XYLT1: variants seen among roughly 807,000 people sequenced by gnomAD.
XYLT1 encodes xylosyltransferase 1, also known as beta-D-xylosyltransferase 1.
A neutral mutation model predicts 91.3 loss-of-function variants in XYLT1; 36 were observed. The ratio of observed to expected loss-of-function variants is 0.39; its 90% CI spans 0.30 to 0.52. The LOEUF (loss-of-function observed/expected upper bound fraction) is 0.52, where lower values mean the gene tolerates loss of function less well. XYLT1 is among the 20% of genes least tolerant of loss of function. XYLT1 has a pLI of 0.68. For synonymous variants in XYLT1, 588 were observed against 532.0 expected (o/e 1.11, Z -1.45); for missense variants, 1,242 against 1,284.5 (o/e 0.97, Z 0.51).
chr16:17,197,851 T>C (rs1395663274), intron 5 of XYLT1, among the ~76,000 whole-genome samples: 2 of 152,184 alleles, frequency 1.3e-5, no homozygotes, highest in Non-Finnish European at 2.9e-5. Context: ...AGACCTCGCC[T>C]TGTGATTGTG....
At chr16:17,262,801 T>C (rs1202734091) in intron 2 of XYLT1, among the ~76,000 whole-genome samples, 1 of 152,146 alleles carries the variant, frequency 6.6e-6, no homozygotes, top group Non-Finnish European at 1.5e-5. Context: ...AATTGACCCC[T>C]GCTGCTTTGA....
At chr16:17,368,246 G>C (rs2035480487) in intron 1 of XYLT1, among the ~76,000 whole-genome samples, 1 of 152,160 alleles carries the variant, frequency 6.6e-6, no homozygotes, top group Non-Finnish European at 1.5e-5. Context: ...GAGACGATGA[G>C]AACACCTGGC....
rs538519678 is a variant in XYLT1, at chr16:17,153,026, A to C, written c.1370+5803T>G. 1.7e-4 allele frequency among the ~76,000 whole-genome samples: 26 copies of C among 152,152 alleles called. No homozygotes were observed. The South Asian group carries it at 5.2e-3, about 30-fold the overall frequency. On this transcript the variant is annotated intron_variant, in intron 6 of 11. Coordinates refer to ENST00000261381, the MANE Select transcript of XYLT1 (RefSeq NM_022166.4). ...CCAGTGGACATGAGAGTTATTGAAC[A>C]TAAGAGTTATTGAACATTTTTGTAA... is the stretch of plus-strand genomic sequence containing the variant.
chr16:17,400,945 G>GCT (rs908084931), intron 1 of XYLT1, among the ~76,000 whole-genome samples: 2 of 150,930 alleles, frequency 1.3e-5, no homozygotes, highest in Non-Finnish European at 2.9e-5. Flanking sequence ...ACATAATCCA[G>GCT]CTCTCTCTCC....
intron 1 of XYLT1, chr16:17,445,979 C>CAACTCCCA (rs1200267094): frequency 7.9e-5 from 12 of 152,346 alleles, no homozygotes; most frequent in Admixed American, 6.5e-5. Context: ...GAGTCTATTC[C>CAACTCCCA]AACTCCCAGC....
chr16:17,378,043 AG>A (rs1256415360), intron 1 of XYLT1, among the ~76,000 whole-genome samples: 3 of 152,226 alleles, frequency 2.0e-5, no homozygotes, highest in African/African-American at 7.2e-5. Context: ...GAATTGGAAT[AG>A]GTCAAACCTG....
At chr16:17,456,380 C>G (rs1364301168) in intron 1 of XYLT1, among the ~76,000 whole-genome samples, 1 of 148,348 alleles carries the variant, frequency 6.7e-6, no homozygotes, top group Non-Finnish European at 1.5e-5. Flanking sequence ...CTCGGTCACC[C>G]AGGCTGGAGT....
At chr16:17,314,119 T>C (rs1466374629) in intron 2 of XYLT1, among the ~76,000 whole-genome samples, 1 of 152,204 alleles carries the variant, frequency 6.6e-6, no homozygotes, top group East Asian at 1.9e-4. Flanking sequence ...GTTACTAGCT[T>C]TGAATTCTAA....
chr16:17,220,711 G>T (rs1194603261), intron 3 of XYLT1, among the ~76,000 whole-genome samples: 1 of 152,176 alleles, frequency 6.6e-6, no homozygotes, highest in Admixed American at 6.5e-5. Flanking sequence ...GATCTCAGGT[G>T]AGTCACCCGC....
At chr16:17,465,292 A>G (rs916584994) in intron 1 of XYLT1, among the ~76,000 whole-genome samples, 1 of 151,338 alleles carries the variant, frequency 6.6e-6, no homozygotes, top group Non-Finnish European at 1.5e-5. Context: ...CAGTTCTGCT[A>G]CTCCCCAGCT....
chr16:17,416,536 T>G (rs6498705), intron 1 of XYLT1, among the ~76,000 whole-genome samples: 1 of 152,052 alleles, frequency 6.6e-6, no homozygotes, highest in African/African-American at 2.4e-5. Flanking sequence ...AGTGGGCACA[T>G]CCCTATCACA....
intron 5 of XYLT1, among the ~76,000 whole-genome samples, chr16:17,169,661 T>A (rs1004294857): frequency 1.5e-5 from 2 of 133,324 alleles, no homozygotes; most frequent in Non-Finnish European, 3.2e-5. Flanking sequence ...GCTTGGTGGG[T>A]TGGGGGGCGG....
intron 1 of XYLT1, among the ~76,000 whole-genome samples, chr16:17,403,046 C>T (rs1480209206): frequency 6.6e-6 from 1 of 152,086 alleles, no homozygotes; most frequent in Non-Finnish European, 1.5e-5. Flanking sequence ...GCGGAATGAC[C>T]ATCATCCCAG....
chr16:17,358,147 A>C, intron 1 of XYLT1, 97 bp from the exon 2 acceptor site: 2 of 1,172,574 alleles, frequency 1.7e-6, no homozygotes, highest in South Asian at 3.0e-5. Context: ...TTTTTTTTTA[A>C]GAGACAGGGT....
At chr16:17,255,737 G>A (rs189853426) in intron 3 of XYLT1, among the ~76,000 whole-genome samples, 9 of 152,186 alleles carry the variant, frequency 5.9e-5, no homozygotes, top group African/African-American at 1.7e-4. Flanking sequence ...GCCAGGCACT[G>A]TGGCTCATGC....
chr16:17,229,163 T>C (rs1383372772), intron 3 of XYLT1, among the ~76,000 whole-genome samples: 1 of 152,174 alleles, frequency 6.6e-6, no homozygotes, highest in East Asian at 1.9e-4. Context: ...ACAGATCTGT[T>C]TGGTTTCTCA....
chr16:17,407,627 T>C (rs1043061301), intron 1 of XYLT1, among the ~76,000 whole-genome samples: 33 of 152,160 alleles, frequency 2.2e-4, no homozygotes, highest in Non-Finnish European at 4.6e-4. Context: ...TCCCCACCCA[T>C]CTGTGTGACC....
intron 2 of XYLT1, among the ~76,000 whole-genome samples, chr16:17,308,878 A>T (rs991235902): frequency 6.6e-6 from 1 of 152,220 alleles, no homozygotes; most frequent in African/African-American, 2.4e-5. Context: ...GAAGTAAAAT[A>T]CAAAGAGCAT....
intron 1 of XYLT1, among the ~76,000 whole-genome samples, chr16:17,401,705 G>GTTA (rs536472449): frequency 0.037 from 5,555 of 150,170 alleles, 125 homozygotes; most frequent in Admixed American, 0.063. Context: ...AGTGGCTATG[G>GTTA]TTATTATTAT....
Sources: gnomAD v4.1 joint callset for allele counts (sites outside exome capture counted in the v4.1 genomes callset) on GRCh38, gnomAD v4.1.1 for gene constraint, MANE v1.5 for transcripts, NCBI Gene and HGNC (gene_info 2026-07-23, HGNC 2026-07-21) for gene names.